The following ARVCF variants were observed in gnomAD, a reference collection of about 807,000 sequenced individuals.
ARVCF encodes the protein splicing regulator ARVCF.
ARVCF carries 66 observed loss-of-function variants against 90.9 expected under a neutral mutation model. That is an observed-to-expected ratio of 0.73 (90% CI 0.60 to 0.89). The LOEUF (loss-of-function observed/expected upper bound fraction) is 0.89. Among genes scored for constraint, ARVCF ranks in the 40% least tolerant of loss-of-function variants. The probability of loss-of-function intolerance (pLI) is 0.00; values close to 1 mark genes in which losing one functional copy is unlikely to be tolerated. For missense variants in ARVCF, 1,469 were observed against 1,382.3 expected (o/e 1.06, Z -1.00); for synonymous variants, 653 against 603.4 (o/e 1.08, Z -1.21).
At position 19,981,643 on chromosome 22, in the gene ARVCF, A is replaced by G. The variant is rs1943508690; in HGVS notation, c.464T>C (p.Leu155Pro). ...CAGGGCACCATCTGCAAAAGGGCCT[A>G]GTGGGGGGCCGCCATCCAGCAGGGG... ...GLPLLDGGPP[L>P]GPFADGALDR... Residue 155 changes from leucine (L) to proline (P), a missense_variant, in exon 5 of 20, where the codon CTA becomes CCA. Transcript: ENST00000263207. 2 of 1,609,590 alleles carry G rather than the reference A, an allele frequency of 1.2e-6. No homozygotes were observed. Among genetic ancestry groups the G allele is most frequent in the Non-Finnish European group, 1.7e-6 (2 of 1,179,630 alleles).
In ARVCF at chr22:19,972,847, C is replaced by A. The variant is rs143863692; in HGVS notation, c.2551-20G>T. ...AGCTGACTGAGACATAAAACACAGACACAGGGTGGGTGAAGCACATGGAGT... is the reference window on the plus strand; with the variant it reads ...AGCTGACTGAGACATAAAACACAGAAACAGGGTGGGTGAAGCACATGGAGT... On this transcript the variant is annotated intron_variant, in intron 15 of 19. Coordinates refer to ENST00000263207, the MANE Select transcript of ARVCF (RefSeq NM_001670.3). 4 of 1,613,496 alleles carry A rather than the reference C, an allele frequency of 2.5e-6. No individual in the cohort carries two copies. In the South Asian group the frequency reaches 3.3e-5, roughly 13 times the overall value.
chr22:19,971,110 G>A (rs1240447788), intron 19 of ARVCF, 106 bp downstream of exon 19: 31 of 1,531,506 alleles, frequency 2.0e-5, no homozygotes, highest in East Asian at 2.5e-5. Flanking sequence ...AAAGTCCTGC[G>A]GGGAACGTGC....
intron 1 of ARVCF, among the ~76,000 whole-genome samples, chr22:20,014,486 C>A (rs755941202): frequency 6.6e-6 from 1 of 152,238 alleles, no homozygotes; most frequent in African/African-American, 2.4e-5. Flanking sequence ...TGAGCCACTG[C>A]GCCCGGCCTC....
In ARVCF at chr22:19,996,689, G is replaced by A. The variant is rs571907169; in HGVS notation, c.-18-5877C>T. On this transcript the variant is annotated intron_variant, in intron 2 of 19. Transcript: ENST00000263207. ...CAGTCTACCACTCCTCGAAGCACGCGCCGCTGGCATAATCAGAACCTCAGT... is the reference window on the plus strand; with the variant it reads ...CAGTCTACCACTCCTCGAAGCACGCACCGCTGGCATAATCAGAACCTCAGT... 3.2e-4 allele frequency among the ~76,000 whole-genome samples: 48 copies of A among 152,274 alleles called. 1 individual carries two copies. Among genetic ancestry groups the A allele is most frequent in the South Asian group, 1.7e-3 (8 of 4,828 alleles).
Position 19,977,961 on chromosome 22 carries a change from G to A in ARVCF, c.1695C>T (p.Asn565=). The A allele has an allele frequency of 1.2e-6, 2 of 1,605,166 alleles. No individual in the cohort carries two copies. The highest frequency in any genetic ancestry group is 1.7e-6 in the Non-Finnish European group (2 of 1,175,718). The change falls in exon 8 of 20, where the codon AAC becomes AAT. Residue 565 remains asparagine, a synonymous_variant. Coordinates refer to ENST00000263207, the MANE Select transcript of ARVCF (RefSeq NM_001670.3). ...GGCTGTGACCGTCCCTGCCCACCTT[G>A]TTGTCAGTGTCCTTCCGGCCCACAG... is the stretch of plus-strand genomic sequence containing the variant. The part of the protein sequence containing the change: ...QSAVGRKDTD[N]KSVENCVCIM...
intron 6 of ARVCF, 46 bp downstream of exon 6, chr22:19,979,697 A>G (rs748295698): frequency 6.5e-7 from 1 of 1,542,782 alleles, no homozygotes; most frequent in Non-Finnish European, 8.8e-7. Flanking sequence ...TGAGCCTCAC[A>G]CTCTTCTCTT....
At chr22:20,008,159 C>T (rs752360334) in intron 2 of ARVCF, among the ~76,000 whole-genome samples, 10 of 152,202 alleles carry the variant, frequency 6.6e-5, no homozygotes, top group South Asian at 2.1e-4. Context: ...TACAAAGACT[C>T]ATACAATGGC....
chr22:19,986,739 C>T, intron 3 of ARVCF: 1 of 291,956 alleles, frequency 3.4e-6, no homozygotes. Flanking sequence ...TGTCCCCAGG[C>T]ACCTGTCCTG....
chr22:19,982,240 C>A (rs980990543), intron 3 of ARVCF, 149 bp from the exon 4 acceptor site: 4 of 1,063,282 alleles, frequency 3.8e-6, no homozygotes, highest in Admixed American at 2.7e-5. Flanking sequence ...CACCCCAAGG[C>A]CTGTTTCGGC....
intron 9 of ARVCF, among the ~76,000 whole-genome samples, 186 bp downstream of exon 9, chr22:19,977,229 G>T (rs999528856): frequency 4.6e-5 from 7 of 151,752 alleles, no homozygotes; most frequent in Non-Finnish European, 8.8e-5. Context: ...GGTTGGACCT[G>T]GGTCCCATCA....
downstream of ARVCF, among the ~76,000 whole-genome samples, chr22:19,966,324 A>C (rs1942388064): frequency 1.3e-5 from 2 of 151,946 alleles, no homozygotes; most frequent in Non-Finnish European, 2.9e-5. Flanking sequence ...TGAGGGGCTC[A>C]GGAGCAGGTT....
At chr22:20,012,069 C>T (rs1944852349) in intron 1 of ARVCF, among the ~76,000 whole-genome samples, 1 of 139,978 alleles carries the variant, frequency 7.1e-6, no homozygotes, top group African/African-American at 2.7e-5. Context: ...TGCCTCCAGG[C>T]CTCCCAAAGT....
At position 19,980,079 on chromosome 22, in the gene ARVCF, G is replaced by T. The variant is rs753910671; in HGVS notation, c.1060C>A (p.Arg354Ser). Reference sequence around the variant, plus strand: ...TCAGGCAGCTCAGGGTCCCGCCAGCGCGGCTCCTTGCGGGCGCTATCCACT... The same window carrying T: ...TCAGGCAGCTCAGGGTCCCGCCAGCTCGGCTCCTTGCGGGCGCTATCCACT... ...PSVDSARKEP[R>S]WRDPELPEVL... is the part of the protein sequence containing the mutation. Residue 354 changes from arginine (R) to serine (S), a missense_variant, in exon 6 of 20, where the codon CGC becomes AGC. Arg to Ser is a moderately radical substitution (Grantham distance 110). Coordinates refer to ENST00000263207, the MANE Select transcript of ARVCF (RefSeq NM_001670.3). The T allele has an allele frequency of 1.6e-5, 25 of 1,581,230 alleles. No individual in the cohort carries two copies. In the Admixed American group the frequency reaches 4.2e-4, roughly 26 times the overall value.
chr22:20,015,536 C>T (rs62223726), intron 1 of ARVCF, among the ~76,000 whole-genome samples: 16,716 of 152,162 alleles, frequency 0.11, 1,259 homozygotes, highest in Middle Eastern at 0.19. Flanking sequence ...GACCAGACCT[C>T]TAAACACCGC....
In ARVCF at chr22:19,973,757, G is replaced by A. The variant is rs565420927; in HGVS notation, c.2125C>T (p.Arg709Cys). The A allele has an allele frequency of 2.5e-6, 4 of 1,607,850 alleles. No homozygotes were observed. The highest frequency in any genetic ancestry group is 1.7e-5 in the Admixed American group (1 of 60,016). The change falls in exon 13 of 20, where the codon CGC becomes TGC. Residue 709 changes from arginine to cysteine, a missense_variant. Physicochemically the swap from Arg to Cys is radical, Grantham distance 180. Transcript: ENST00000263207. ...AGTTCCACAAGCACCGGCAGCCCGC[G>A]CTCTTTGCGCACTGTGGCGCGGATG... ...TYIRATVRKE[R>C]GLPVLVELLQ...
downstream of ARVCF, chr22:19,967,167 C>T (rs900278707): frequency 7.3e-5 from 95 of 1,303,766 alleles, no homozygotes; most frequent in Non-Finnish European, 9.5e-5. Flanking sequence ...CGTGCAGGTG[C>T]AGTGGTCTGG....
intron 2 of ARVCF, among the ~76,000 whole-genome samples, chr22:20,001,673 G>A (rs1601664705): frequency 6.6e-6 from 1 of 152,160 alleles, no homozygotes; most frequent in African/African-American, 2.4e-5. Context: ...TGGGTGTGGT[G>A]GTGCATGCCT....
At chr22:19,971,763 G>T in intron 18 of ARVCF, 123 bp downstream of exon 18, 2 of 1,026,392 alleles carry the variant, frequency 1.9e-6, no homozygotes, top group Non-Finnish European at 3.0e-6. Context: ...TCCTGGGCTT[G>T]GCCCCACAAC....
chr22:20,012,090 C>CCG (rs1555954491), intron 1 of ARVCF, among the ~76,000 whole-genome samples: 31 of 146,336 alleles, frequency 2.1e-4, no homozygotes, highest in Non-Finnish European at 3.8e-4. Flanking sequence ...CCCCCCCCCC[C>CCG]ACCCAGTTGG....
Sources: allele counts gnomAD v4.1 joint callset (sites outside exome capture counted in the v4.1 genomes callset), GRCh38; gene constraint gnomAD v4.1.1; transcripts MANE v1.5; gene names NCBI Gene and HGNC (gene_info 2026-07-23, HGNC 2026-07-21).